The following KLF7 variants were observed in gnomAD, a reference collection of about 807,000 sequenced individuals.
KLF7 encodes the protein Krueppel-like factor 7.
A neutral mutation model predicts 27.3 loss-of-function variants in KLF7; 2 were observed. The ratio of observed to expected loss-of-function variants is 0.07; its 90% CI spans 0.03 to 0.23. The LOEUF is 0.23. KLF7 is among the 10% of genes least tolerant of loss of function. The pLI is 1.00. For synonymous variants in KLF7, 165 were observed against 162.4 expected, an observed-to-expected ratio of 1.02 and a Z score of -0.12; for missense variants, 221 against 394.1, an observed-to-expected ratio of 0.56 and a Z score of 3.72.
chr2:207,111,061 C>T (rs961222273), intron 2 of KLF7, among the ~76,000 whole-genome samples: 1 of 152,088 alleles, frequency 6.6e-6, no homozygotes, highest in South Asian at 2.1e-4. Context: ...CACATATGAC[C>T]ATGAAAAATG....
chr2:207,121,467 CA>C (rs1328702556), intron 2 of KLF7: 1 of 152,104 alleles, frequency 6.6e-6, no homozygotes, highest in Non-Finnish European at 1.5e-5. Context: ...ATTTAATATT[CA>C]AAACAATCTA....
chr2:207,160,775 G>A (rs1258900915), intron 1 of KLF7, among the ~76,000 whole-genome samples: 3 of 152,172 alleles, frequency 2.0e-5, no homozygotes, highest in Non-Finnish European at 2.9e-5. Flanking sequence ...AGGCAAATTA[G>A]CCCCCACTGG....
chr2:207,167,112 G>T (rs1385712820), upstream of KLF7: 4 of 1,418,038 alleles, frequency 2.8e-6, no homozygotes, highest in African/African-American at 5.9e-5. Flanking sequence ...GGCAGCTTGC[G>T]AGGGGGCCTT....
At chr2:207,133,962 A>T in intron 1 of KLF7, 1 of 791,740 alleles carries the variant, frequency 1.3e-6, no homozygotes, top group Non-Finnish European at 1.9e-6. Flanking sequence ...AGGCATTATT[A>T]ATCCTGTTTT....
intron 2 of KLF7, among the ~76,000 whole-genome samples, chr2:207,099,551 G>GATATATATATATAT (rs59383415): frequency 0.061 from 3,503 of 57,328 alleles, 403 homozygotes; most frequent in Admixed American, 0.093. Flanking sequence ...CTACATATGC[G>GATATATATATATAT]ATATATATAT....
chr2:207,173,532 C>G, the KLF7 span: 4 of 151,900 alleles, frequency 2.6e-5, no homozygotes, highest in African/African-American at 9.7e-5. Context: ...GTGAATTAAC[C>G]AAGAACTCTT....
chr2:207,149,633 C>T (rs1398064859), intron 1 of KLF7, among the ~76,000 whole-genome samples: 1 of 152,202 alleles, frequency 6.6e-6, no homozygotes, highest in African/African-American at 2.4e-5. Context: ...CAGCTTTGTA[C>T]CTGACACCTG....
At chr2:207,081,313 T>C (rs756009462) in intron 3 of KLF7, 49 bp from the exon 4 acceptor site, 4 of 1,424,732 alleles carry the variant, frequency 2.8e-6, no homozygotes, top group Non-Finnish European at 4.0e-6. Context: ...AGCAAACAGC[T>C]TGACTTGCAT....
At position 207,080,539 on chromosome 2, in the gene KLF7, CGCT is replaced by C. The variant is rs942352517; in HGVS notation, c.*671_*673del. 2 of 286,154 alleles carry C rather than the reference CGCT, an allele frequency of 7.0e-6. No individual in the cohort carries two copies. The highest frequency in any genetic ancestry group is 5.2e-5 in the Admixed American group (1 of 19,128). 17.7% of individuals were successfully genotyped at this position (286,154 alleles called of 1,614,324 possible). A position where few individuals can be genotyped will look rare whatever the true frequency, so the allele number is the denominator to read the frequency against. ...GTAAGGTGTTATTCCAGTCTGCCGC[CGCT>C]AAGGCCGTTGGGATCGACGCGAAAG... On this transcript the variant is annotated 3_prime_UTR_variant, in exon 4 of 4. Coordinates refer to ENST00000309446, the MANE Select transcript of KLF7 (RefSeq NM_003709.4).
chr2:207,142,252 G>T (rs887942077), intron 1 of KLF7, among the ~76,000 whole-genome samples: 3 of 152,204 alleles, frequency 2.0e-5, no homozygotes, highest in Admixed American at 2.0e-4. Flanking sequence ...GAGATTGGTA[G>T]ATTTTGCCCA....
At chr2:207,150,902 T>A (rs1273374029) in intron 1 of KLF7, among the ~76,000 whole-genome samples, 3 of 142,634 alleles carry the variant, frequency 2.1e-5, no homozygotes, top group Non-Finnish European at 1.5e-5. Context: ...AAGATAATCA[T>A]AAAATTAAAA....
chr2:207,161,001 T>C (rs1175016634), intron 1 of KLF7, among the ~76,000 whole-genome samples: 1 of 152,182 alleles, frequency 6.6e-6, no homozygotes, highest in Non-Finnish European at 1.5e-5. Flanking sequence ...TGACCTCCTT[T>C]TCCCCCTACT....
chr2:207,162,072 G>A (rs549387456), intron 1 of KLF7, among the ~76,000 whole-genome samples: 3 of 152,182 alleles, frequency 2.0e-5, no homozygotes, highest in South Asian at 2.1e-4. Context: ...GCAGACTAGA[G>A]ATAAAACATA....
rs772775745 is a variant in KLF7, at chr2:207,123,982, G to A, written c.525C>T (p.Ser175=). The change falls in exon 2 of 4, where the codon TCC becomes TCT. Residue 175 remains serine (S), a synonymous_variant. Transcript: ENST00000309446. ...CTGTTGCGACCCCTCCCACCTTTACGGAGCTGAGAGCAGCCTTCTTGGCCA... is the reference window on the plus strand; with the variant it reads ...CTGTTGCGACCCCTCCCACCTTTACAGAGCTGAGAGCAGCCTTCTTGGCCA... ...KLVAKKAALS[S]VKVGGVATAA... 6.8e-6 allele frequency: 11 copies of A among 1,614,038 alleles called. No homozygotes were observed. Among genetic ancestry groups the A allele is most frequent in the African/African-American group, 2.7e-5 (2 of 74,906 alleles).
the KLF7 span, among the ~76,000 whole-genome samples, chr2:207,172,629 T>G: frequency 6.6e-6 from 1 of 152,240 alleles, no homozygotes; most frequent in Non-Finnish European, 1.5e-5. Context: ...AGGGTCATTT[T>G]GTAAAAATGT....
At chr2:207,137,535 T>C (rs1559152980) in intron 1 of KLF7, among the ~76,000 whole-genome samples, 1 of 152,218 alleles carries the variant, frequency 6.6e-6, no homozygotes, top group Non-Finnish European at 1.5e-5. Flanking sequence ...AGGATCATTA[T>C]TTCACAGATA....
intron 2 of KLF7, among the ~76,000 whole-genome samples, chr2:207,099,536 T>C (rs1574447491): frequency 3.7e-5 from 2 of 53,386 alleles, no homozygotes; most frequent in African/African-American, 1.8e-4. Flanking sequence ...AAAGTTAACT[T>C]TCTGCTACAT....
upstream of KLF7, among the ~76,000 whole-genome samples, chr2:207,169,617 C>A (rs116596358): frequency 6.6e-6 from 1 of 152,086 alleles, no homozygotes; most frequent in East Asian, 1.9e-4. Flanking sequence ...TTATACAAAT[C>A]GAAGGTTTGT....
chr2:207,151,133 G>T (rs2106105748), intron 1 of KLF7, among the ~76,000 whole-genome samples: 1 of 151,986 alleles, frequency 6.6e-6, no homozygotes, highest in African/African-American at 2.4e-5. Flanking sequence ...TGAGTTAAAA[G>T]GACTGAAAGA....
Sources: allele counts gnomAD v4.1 joint callset (sites outside exome capture counted in the v4.1 genomes callset), GRCh38; gene constraint gnomAD v4.1.1; transcripts MANE v1.5; gene names NCBI Gene and HGNC (gene_info 2026-07-23, HGNC 2026-07-21).